The following SAMD4A variants were observed in gnomAD, a reference collection of about 807,000 sequenced individuals.
SAMD4A encodes sterile alpha motif domain containing 4A.
A neutral mutation model predicts 81.3 loss-of-function variants in SAMD4A; 33 were observed. The ratio of observed to expected loss-of-function variants is 0.41; its 90% CI spans 0.31 to 0.54. The LOEUF (loss-of-function observed/expected upper bound fraction) is 0.54. SAMD4A is among the 20% of genes least tolerant of loss of function. The pLI is 0.37. For missense variants in SAMD4A, 854 were observed against 951.1 expected, an observed-to-expected ratio of 0.90 and a Z score of 1.34; for synonymous variants, 389 against 382.1, an observed-to-expected ratio of 1.02 and a Z score of -0.21.
intron 3 of SAMD4A, among the ~76,000 whole-genome samples, chr14:54,712,963 G>A (rs1327525619): frequency 5.9e-5 from 9 of 152,198 alleles, no homozygotes; most frequent in Admixed American, 4.6e-4. Flanking sequence ...GAGGAAAGGG[G>A]AGATGAACAG....
chr14:54,655,180 G>A (rs768362226), intron 2 of SAMD4A, among the ~76,000 whole-genome samples: 6 of 152,136 alleles, frequency 3.9e-5, no homozygotes, highest in South Asian at 4.1e-4. Context: ...ATTATTTTGC[G>A]GATGAAAGAT....
chr14:54,642,711 T>G (rs2035201439), intron 2 of SAMD4A, among the ~76,000 whole-genome samples: 1 of 152,144 alleles, frequency 6.6e-6, no homozygotes, highest in African/African-American at 2.4e-5. Context: ...GGTATCAGGT[T>G]GAGGGGACTG....
intron 3 of SAMD4A, among the ~76,000 whole-genome samples, chr14:54,714,175 C>G (rs1466302166): frequency 6.6e-6 from 1 of 152,112 alleles, no homozygotes; most frequent in Admixed American, 6.6e-5. Flanking sequence ...CTATGTCTTT[C>G]CTGCATAAAT....
chr14:54,613,122 A>G (rs2034401861), intron 2 of SAMD4A, among the ~76,000 whole-genome samples: 1 of 124,182 alleles, frequency 8.1e-6, no homozygotes, highest in Non-Finnish European at 1.7e-5. Context: ...TCAAGAAAGA[A>G]AAAGAGAGAG....
chr14:54,744,609 G>A (rs2037922743), intron 4 of SAMD4A, among the ~76,000 whole-genome samples: 1 of 152,174 alleles, frequency 6.6e-6, no homozygotes, highest in African/African-American at 2.4e-5. Context: ...TGAAGACTGT[G>A]GGATGAGACC....
intron 6 of SAMD4A, among the ~76,000 whole-genome samples, chr14:54,758,069 G>A (rs2038292999): frequency 6.6e-6 from 1 of 152,228 alleles, no homozygotes; most frequent in South Asian, 2.1e-4. Flanking sequence ...TCTGTCATGT[G>A]TAGAAGGAAG....
intron 3 of SAMD4A, among the ~76,000 whole-genome samples, chr14:54,712,751 A>C (rs1373832225): frequency 6.6e-6 from 1 of 152,192 alleles, no homozygotes; most frequent in Non-Finnish European, 1.5e-5. Context: ...CATGGGCTGC[A>C]TGCACCTTGG....
chr14:54,611,506 C>T (rs1388304027), intron 2 of SAMD4A, among the ~76,000 whole-genome samples: 1 of 152,182 alleles, frequency 6.6e-6, no homozygotes, highest in African/African-American at 2.4e-5. Flanking sequence ...TCCATTGTGG[C>T]CTCTGGAATC....
At chr14:54,705,102 G>A (rs535976986) in intron 3 of SAMD4A, among the ~76,000 whole-genome samples, 1 of 152,306 alleles carries the variant, frequency 6.6e-6, no homozygotes, top group South Asian at 2.1e-4. Flanking sequence ...CTACCTTTGA[G>A]GGCTGTAGTG....
At chr14:54,635,977 A>G (rs1340288672) in intron 2 of SAMD4A, among the ~76,000 whole-genome samples, 1 of 152,238 alleles carries the variant, frequency 6.6e-6, no homozygotes, top group Non-Finnish European at 1.5e-5. Flanking sequence ...CGTGGAGCTT[A>G]CATTCTAATG....
intron 2 of SAMD4A, among the ~76,000 whole-genome samples, chr14:54,655,612 C>A (rs1015873252): frequency 1.3e-5 from 2 of 152,072 alleles, no homozygotes; most frequent in African/African-American, 4.8e-5. Context: ...GTGGCGCATA[C>A]CTGTAATCTC....
chr14:54,725,570 C>A (rs1421489278), intron 3 of SAMD4A, among the ~76,000 whole-genome samples: 1 of 152,142 alleles, frequency 6.6e-6, no homozygotes, highest in Non-Finnish European at 1.5e-5. Context: ...ATGTAATAGG[C>A]TGAAAATGCT....
In SAMD4A at chr14:54,688,973, C is replaced by G. The variant is rs550356592; in HGVS notation, c.197-13089C>G. ...TGAGGCGGAGTTTTGCTCCTGTTTT[C>G]CAGGTTAGAGTCCAATGGCACAATC... is the stretch of plus-strand genomic sequence containing the variant. On this transcript the variant is annotated intron_variant, in intron 2 of 12. Coordinates refer to ENST00000554335, the MANE Select transcript of SAMD4A (RefSeq NM_015589.6). Among the ~76,000 whole-genome samples the G allele has an allele frequency of 3.2e-5, 4 of 124,758 alleles. No homozygotes were observed. In the South Asian group the frequency reaches 1.0e-3, roughly 33 times the overall value. 81.8% of individuals were successfully genotyped at this position (124,758 alleles called of 152,430 possible).
At chr14:54,679,549 T>G (rs553493785) in intron 2 of SAMD4A, among the ~76,000 whole-genome samples, 2 of 152,254 alleles carry the variant, frequency 1.3e-5, no homozygotes, top group South Asian at 4.2e-4. Context: ...GGCCTTAGTT[T>G]ATAGGAGTGA....
chr14:54,692,434 A>G (rs906597333), intron 2 of SAMD4A, among the ~76,000 whole-genome samples: 26 of 152,172 alleles, frequency 1.7e-4, no homozygotes, highest in Admixed American at 1.6e-3. Context: ...AGTTCTTTGT[A>G]AAATATTATT....
At chr14:54,751,035 G>A (rs1466405099) in intron 5 of SAMD4A, among the ~76,000 whole-genome samples, 2 of 152,210 alleles carry the variant, frequency 1.3e-5, no homozygotes, top group African/African-American at 4.8e-5. Context: ...GCTGAGGTGG[G>A]AAGATTGCTT....
At chr14:54,776,109 A>G (rs2139940929) in intron 10 of SAMD4A, among the ~76,000 whole-genome samples, 1 of 152,244 alleles carries the variant, frequency 6.6e-6, no homozygotes, top group Admixed American at 6.5e-5. Context: ...TTTCCTAGAA[A>G]AGTGGCAGGG....
chr14:54,718,798 G>A (rs2140848688), intron 3 of SAMD4A, among the ~76,000 whole-genome samples: 1 of 152,122 alleles, frequency 6.6e-6, no homozygotes, highest in African/African-American at 2.4e-5. Context: ...GAGTTCAGGG[G>A]TTTGAGACCA....
intron 2 of SAMD4A, among the ~76,000 whole-genome samples, chr14:54,616,284 A>G (rs895023305): frequency 1.3e-5 from 2 of 152,228 alleles, no homozygotes; most frequent in African/African-American, 2.4e-5. Context: ...ATACCTTTCT[A>G]TAACTATTGA....
Sources: gnomAD v4.1 joint callset for allele counts (sites outside exome capture counted in the v4.1 genomes callset) on GRCh38, gnomAD v4.1.1 for gene constraint, MANE v1.5 for transcripts, NCBI Gene and HGNC (gene_info 2026-07-23, HGNC 2026-07-21) for gene names.